ROBO2: variants seen among roughly 807,000 people sequenced by gnomAD.
ROBO2 encodes the protein roundabout homolog 2.
A neutral mutation model predicts 160.8 loss-of-function variants in ROBO2; 53 were observed. The ratio of observed to expected loss-of-function variants is 0.33; its 90% CI spans 0.26 to 0.41. ROBO2 has a LOEUF of 0.41. ROBO2 is among the 10% of genes least tolerant of loss of function. The pLI is 1.00. For synonymous variants in ROBO2, 664 were observed against 611.7 expected (o/e 1.09, Z -1.26); for missense variants, 1,577 against 1,722.4 (o/e 0.92, Z 1.49).
intron 2 of ROBO2, among the ~76,000 whole-genome samples, chr3:76,600,563 T>C (rs1398806392): frequency 3.3e-5 from 5 of 152,126 alleles, no homozygotes; most frequent in African/African-American, 1.2e-4. Flanking sequence ...AAGAACCAAG[T>C]GAAGTGGGTT....
At chr3:77,245,386 G>T (rs2089606965) in intron 2 of ROBO2, among the ~76,000 whole-genome samples, 1 of 152,032 alleles carries the variant, frequency 6.6e-6, no homozygotes. Flanking sequence ...ACATTTGTTA[G>T]GTAGATTTGA....
intron 2 of ROBO2, among the ~76,000 whole-genome samples, chr3:76,998,808 C>T (rs2061174594): frequency 6.6e-6 from 1 of 152,104 alleles, no homozygotes; most frequent in Non-Finnish European, 1.5e-5. Flanking sequence ...TCCACCTTCT[C>T]ACACACACTG....
chr3:76,718,329 C>A (rs1216787804), intron 2 of ROBO2, among the ~76,000 whole-genome samples: 2 of 152,156 alleles, frequency 1.3e-5, no homozygotes, highest in Non-Finnish European at 2.9e-5. Flanking sequence ...GATAATAAAC[C>A]AGGATTCCTA....
intron 2 of ROBO2, among the ~76,000 whole-genome samples, chr3:76,240,497 G>A (rs1705219871): frequency 6.6e-6 from 1 of 152,138 alleles, no homozygotes; most frequent in African/African-American, 2.4e-5. Flanking sequence ...TATTTGAAGG[G>A]TGTGATGACA....
chr3:76,912,383 T>C (rs1459046282), intron 2 of ROBO2, among the ~76,000 whole-genome samples: 1 of 152,210 alleles, frequency 6.6e-6, no homozygotes, highest in East Asian at 1.9e-4. Context: ...CTTCTCTTAC[T>C]TGTAGTTTTT....
At chr3:76,471,473 A>G (rs2078652827) in intron 2 of ROBO2, among the ~76,000 whole-genome samples, 1 of 152,166 alleles carries the variant, frequency 6.6e-6, no homozygotes, top group Non-Finnish European at 1.5e-5. Context: ...ATTGCCTGAC[A>G]TGAAGGCTGT....
chr3:76,758,714 T>C (rs1296540892), intron 2 of ROBO2, among the ~76,000 whole-genome samples: 1 of 151,846 alleles, frequency 6.6e-6, no homozygotes, highest in Non-Finnish European at 1.5e-5. Flanking sequence ...TTGATAGGAA[T>C]CTTAACACAA....
chr3:77,086,162 G>A (rs960782986), intron 1 of ROBO2, among the ~76,000 whole-genome samples: 3 of 151,998 alleles, frequency 2.0e-5, no homozygotes, highest in Admixed American at 6.6e-5. Context: ...CTTATAGATC[G>A]TGGTTCATTG....
intron 2 of ROBO2, among the ~76,000 whole-genome samples, chr3:75,941,964 CCT>C (rs201700613): frequency 4.7e-5 from 7 of 150,390 alleles, no homozygotes; most frequent in African/African-American, 1.2e-4. Context: ...GATAAACAGC[CCT>C]CTCTCTCTCT....
At chr3:77,539,269 C>A (rs2153641665) in intron 6 of ROBO2, among the ~76,000 whole-genome samples, 1 of 152,214 alleles carries the variant, frequency 6.6e-6, no homozygotes, top group Non-Finnish European at 1.5e-5. Context: ...CTTTATTTGT[C>A]TGTAGTGCTT....
intron 9 of ROBO2, among the ~76,000 whole-genome samples, chr3:77,561,474 T>G (rs1189257788): frequency 1.3e-5 from 2 of 152,142 alleles, no homozygotes; most frequent in Non-Finnish European, 2.9e-5. Flanking sequence ...TTATTGATCT[T>G]GGGGCTTTAT....
At chr3:77,097,963 G>A in intron 1 of ROBO2, 51 bp from the exon 2 acceptor site, 2 of 1,439,116 alleles carry the variant, frequency 1.4e-6, no homozygotes, top group Non-Finnish European at 1.9e-6. Context: ...GAAACCGAGG[G>A]TTTAGATAAG....
intron 2 of ROBO2, among the ~76,000 whole-genome samples, chr3:76,776,355 A>C (rs1237408945): frequency 6.6e-6 from 1 of 151,038 alleles, no homozygotes; most frequent in Non-Finnish European, 1.5e-5. Context: ...TATGTTTTTA[A>C]ATTTCTTAAA....
chr3:77,154,964 C>T (rs967679111), intron 2 of ROBO2, among the ~76,000 whole-genome samples: 2 of 151,964 alleles, frequency 1.3e-5, no homozygotes, highest in Middle Eastern at 3.4e-3. Flanking sequence ...CAAACCTAAG[C>T]ATTACACAGT....
chr3:77,242,044 T>C (rs1156880995), intron 2 of ROBO2, among the ~76,000 whole-genome samples: 2 of 152,192 alleles, frequency 1.3e-5, no homozygotes, highest in Non-Finnish European at 2.9e-5. Flanking sequence ...TTTAGCAACT[T>C]ACTTTGATTT....
chr3:77,300,755 TC>T (rs1163831591), intron 2 of ROBO2, among the ~76,000 whole-genome samples: 1 of 152,072 alleles, frequency 6.6e-6, no homozygotes, highest in Admixed American at 6.6e-5. Context: ...AATGAATGTC[TC>T]TAGAATTTCT....
intron 2 of ROBO2, among the ~76,000 whole-genome samples, chr3:76,618,891 A>T (rs1329923815): frequency 6.6e-6 from 1 of 151,820 alleles, no homozygotes; most frequent in African/African-American, 2.4e-5. Flanking sequence ...CCCACAAGAA[A>T]AACTAAAGTG....
intron 2 of ROBO2, among the ~76,000 whole-genome samples, chr3:76,569,734 T>A (rs547977501): frequency 2.0e-4 from 31 of 152,122 alleles, no homozygotes; most frequent in Non-Finnish European, 3.4e-4. Context: ...TATTCCCAAG[T>A]CCTTTCCAAC....
At chr3:77,207,347 G>A (rs12630701) in intron 2 of ROBO2, among the ~76,000 whole-genome samples, 21,272 of 151,864 alleles carry the variant, frequency 0.14, 1,821 homozygotes, top group Middle Eastern at 0.21. Flanking sequence ...AAATCCATTC[G>A]GACAGTCACA....
Sources: allele counts gnomAD v4.1 joint callset (sites outside exome capture counted in the v4.1 genomes callset), GRCh38; gene constraint gnomAD v4.1.1; transcripts MANE v1.5; gene names NCBI Gene and HGNC (gene_info 2026-07-23, HGNC 2026-07-21).